Variants in PATJ observed in about 807,000 individuals in gnomAD.
PATJ encodes the protein inaD-like protein.
In PATJ, 190 loss-of-function variants were observed where a neutral mutation model predicts 224.9. The ratio of observed to expected loss-of-function variants is 0.84; its 90% CI spans 0.75 to 0.95. The LOEUF (loss-of-function observed/expected upper bound fraction) is 0.95. Among genes scored for constraint, PATJ ranks in the 40% least tolerant of loss-of-function variants. The pLI is 0.00. For synonymous variants in PATJ, 769 were observed against 820.3 expected, an observed-to-expected ratio of 0.94 and a Z score of 1.07; for missense variants, 2,121 against 2,270.3, an observed-to-expected ratio of 0.93 and a Z score of 1.34.
intron 14 of PATJ, among the ~76,000 whole-genome samples, chr1:61,820,449 T>C (rs1657028339): frequency 6.6e-6 from 1 of 152,140 alleles, no homozygotes; most frequent in South Asian, 2.1e-4. Flanking sequence ...CTCAAGCGAT[T>C]CTCCTGCCTC....
At chr1:61,908,850 A>T (rs2482853) in intron 25 of PATJ, among the ~76,000 whole-genome samples, 104,361 of 152,152 alleles carry the variant, frequency 0.69, 36,844 homozygotes, top group East Asian at 1. Flanking sequence ...CATTGTAGAG[A>T]TACTATCACA....
rs1425282477 is a variant in PATJ, at chr1:62,128,955, T to C, written c.5271+10T>C. 1.9e-6 allele frequency: 3 copies of C among 1,564,198 alleles called. No homozygotes were observed. ...GCGCATTATCCTGCAGGTATTGCGA[T>C]CAACGGAGCACGCAGCTGTGCAAGG... On this transcript the variant is annotated intron_variant, in intron 41 of 43. Transcript: ENST00000642238.
intron 3 of PATJ, among the ~76,000 whole-genome samples, chr1:61,763,589 A>C (rs1646093179): frequency 6.6e-6 from 1 of 152,128 alleles, no homozygotes; most frequent in African/African-American, 2.4e-5. Context: ...TACTTATTTA[A>C]GTATGTAAAG....
At chr1:61,751,738 A>G (rs1199417457) in intron 1 of PATJ, among the ~76,000 whole-genome samples, 2 of 152,026 alleles carry the variant, frequency 1.3e-5, no homozygotes, top group Non-Finnish European at 2.9e-5. Flanking sequence ...AGGCAGGAGG[A>G]TTGCTTGAAC....
intron 33 of PATJ, among the ~76,000 whole-genome samples, chr1:62,102,008 G>A (rs781534140): frequency 6.6e-6 from 1 of 152,076 alleles, no homozygotes; most frequent in Admixed American, 6.6e-5. Flanking sequence ...GCAAGACCCT[G>A]TCTCTACAAA....
rs146390787 is a variant in PATJ at position 62,061,138 on chromosome 1, T to C, written c.4125+10080T>C. 3.0e-3 allele frequency among the ~76,000 whole-genome samples: 455 copies of C among 152,274 alleles called. 1 individual carries two copies. The highest frequency in any genetic ancestry group is 0.01 in the African/African-American group (434 of 41,572). On this transcript the variant is annotated intron_variant, in intron 31 of 43. Transcript: ENST00000642238. ...TTTCAGCCTTCCCTCCCTCTTTCTC[T>C]CCTTGCCTCTTCTTGTAGTCCCCAG...
chr1:61,880,272 C>T lies in PATJ; in HGVS notation c.2960-3965C>T, dbSNP rs1258259783. ...GAATAGGAACTTTGTCAGTTTTGTA[C>T]ACTTAGCTATCTCTAATGCCTAGAA... On this transcript the variant is annotated intron_variant, in intron 21 of 43. Coordinates refer to ENST00000642238, the MANE Select transcript of PATJ (RefSeq NM_001350145.3). Among the ~76,000 whole-genome samples, 10 of 152,244 alleles carry T rather than the reference C, an allele frequency of 6.6e-5. 1 individual carries two copies. Among genetic ancestry groups the T allele is most frequent in the Admixed American group, 6.5e-4 (10 of 15,286 alleles).
At chr1:62,107,513 A>G (rs1663246021) in intron 33 of PATJ, among the ~76,000 whole-genome samples, 1 of 152,196 alleles carries the variant, frequency 6.6e-6, no homozygotes, top group Admixed American at 6.5e-5. Context: ...AGGGTGGGCA[A>G]GCTCAATTTA....
At chr1:61,901,870 A>T (rs1207533406) in intron 24 of PATJ, among the ~76,000 whole-genome samples, 1 of 152,094 alleles carries the variant, frequency 6.6e-6, no homozygotes, top group Non-Finnish European at 1.5e-5. Flanking sequence ...TGAAGACTCT[A>T]TTGGGTGAGG....
intron 31 of PATJ, among the ~76,000 whole-genome samples, chr1:62,067,283 C>T (rs544178403): frequency 2.2e-4 from 33 of 151,872 alleles, no homozygotes; most frequent in East Asian, 7.8e-4. Flanking sequence ...CATGCCACCA[C>T]GCCCGGCTAA....
intron 24 of PATJ, among the ~76,000 whole-genome samples, chr1:61,902,590 T>C (rs1438350199): frequency 3.9e-5 from 6 of 152,204 alleles, no homozygotes; most frequent in Non-Finnish European, 7.3e-5. Flanking sequence ...AGCTTGTCTG[T>C]ATATACAAAT....
chr1:62,025,604 T>G (rs1301012649), intron 29 of PATJ, among the ~76,000 whole-genome samples: 1 of 152,212 alleles, frequency 6.6e-6, no homozygotes, highest in African/African-American at 2.4e-5. Flanking sequence ...GCTGATCACT[T>G]GAGGCCAGGA....
intron 16 of PATJ, among the ~76,000 whole-genome samples, chr1:61,831,043 T>G (rs764003676): frequency 6.6e-6 from 1 of 151,426 alleles, no homozygotes; most frequent in Non-Finnish European, 1.5e-5. Flanking sequence ...AAAAATTAGC[T>G]GGGTGTGGTG....
In PATJ at chr1:61,805,429, C is replaced by G; in HGVS notation, c.1550-19C>G. On this transcript the variant is annotated intron_variant, in intron 12 of 43. Coordinates refer to ENST00000642238, the MANE Select transcript of PATJ (RefSeq NM_001350145.3). Reference sequence around the variant, plus strand: ...GTTTCAACATTCTCTCGCTCTCTCTCTTTTTTTTTAATATCCAGAAAAAGT... The same window carrying G: ...GTTTCAACATTCTCTCGCTCTCTCTGTTTTTTTTTAATATCCAGAAAAAGT... The G allele has an allele frequency of 2.7e-6, 4 of 1,483,500 alleles. No homozygotes were observed. Among genetic ancestry groups the G allele is most frequent in the East Asian group, 2.3e-5 (1 of 43,406 alleles). 91.9% of individuals were successfully genotyped at this position (1,483,500 alleles called of 1,614,324 possible).
At chr1:62,135,663 C>T (rs1035913475) in intron 41 of PATJ, among the ~76,000 whole-genome samples, 3 of 152,086 alleles carry the variant, frequency 2.0e-5, no homozygotes, top group African/African-American at 7.2e-5. Flanking sequence ...GTCAGAAAGT[C>T]GTGAGTTTGA....
At chr1:61,969,827 G>C (rs1193783739) in intron 27 of PATJ, among the ~76,000 whole-genome samples, 2 of 152,026 alleles carry the variant, frequency 1.3e-5, no homozygotes, top group Non-Finnish European at 2.9e-5. Flanking sequence ...CTGAGTAGCT[G>C]GGACTAGAGG....
At chr1:61,982,234 T>A (rs1644489889) in intron 27 of PATJ, among the ~76,000 whole-genome samples, 1 of 152,056 alleles carries the variant, frequency 6.6e-6, no homozygotes, top group Admixed American at 6.6e-5. Context: ...ATACTCAGTC[T>A]GCTAAGGTGC....
intron 8 of PATJ, 37 bp downstream of exon 8, chr1:61,788,009 GC>G: frequency 6.6e-7 from 1 of 1,515,078 alleles, no homozygotes. Context: ...TTAAACCAAA[GC>G]CTGGGTGTGA....
intron 14 of PATJ, among the ~76,000 whole-genome samples, chr1:61,809,325 G>A (rs932326986): frequency 1.3e-5 from 2 of 152,078 alleles, no homozygotes; most frequent in African/African-American, 4.8e-5. Flanking sequence ...ATTCTGCATG[G>A]GATATAAGTG....
Sources: allele counts gnomAD v4.1 joint callset (sites outside exome capture counted in the v4.1 genomes callset), GRCh38; gene constraint gnomAD v4.1.1; transcripts MANE v1.5; gene names NCBI Gene and HGNC (gene_info 2026-07-23, HGNC 2026-07-21).